Variants in RASA1 observed in about 807,000 individuals in gnomAD.
RASA1 encodes the protein ras GTPase-activating protein 1.
A neutral mutation model predicts 132.2 loss-of-function variants in RASA1; 25 were observed. That is an observed-to-expected ratio of 0.19 (90% CI 0.14 to 0.26). The LOEUF (loss-of-function observed/expected upper bound fraction) is 0.26, where lower values mean the gene tolerates loss of function less well. Among genes scored for constraint, RASA1 ranks in the 10% least tolerant of loss-of-function variants. The pLI is 1.00. For synonymous variants in RASA1, 477 were observed against 449.9 expected, an observed-to-expected ratio of 1.06 and a Z score of -0.76; for missense variants, 964 against 1,299.2, an observed-to-expected ratio of 0.74 and a Z score of 3.97.
At chr5:87,283,184 TATC>T (rs1301363507) in intron 1 of RASA1, among the ~76,000 whole-genome samples, 3 of 151,294 alleles carry the variant, frequency 2.0e-5, no homozygotes, top group African/African-American at 7.3e-5. Context: ...TAGCTTGTTT[TATC>T]ATCATTTGGT....
At chr5:87,371,978 A>C (rs1179687178) in intron 12 of RASA1, 140 bp from the exon 13 acceptor site, 6 of 584,056 alleles carry the variant, frequency 1.0e-5, no homozygotes, top group Non-Finnish European at 3.0e-6. Context: ...TATTGTTATG[A>C]AGTACAGTAT....
intron 18 of RASA1, among the ~76,000 whole-genome samples, chr5:87,378,812 A>G (rs1761503100): frequency 6.6e-6 from 1 of 152,164 alleles, no homozygotes; most frequent in African/African-American, 2.4e-5. Context: ...TAATCTATAT[A>G]CTACTTACAG....
chr5:87,391,016 A>G lies in RASA1; in HGVS notation c.*133A>G. On this transcript the variant is annotated 3_prime_UTR_variant, in exon 25 of 25. Transcript: ENST00000274376. ...TTCCAGTGATGTGTGAGCTATGCAAACAAAATCCAAGATTCTGCTGGTGAA... is the reference window on the plus strand; with the variant it reads ...TTCCAGTGATGTGTGAGCTATGCAAGCAAAATCCAAGATTCTGCTGGTGAA... 1.1e-6 allele frequency: 1 copy of G among 896,260 alleles called. No individual in the cohort carries two copies. Among genetic ancestry groups the G allele is most frequent in the Admixed American group, 2.0e-5 (1 of 50,644 alleles). The allele number at this position is 896,260 out of a possible 1,614,324, so 55.5% of individuals were successfully genotyped here. A position where few individuals can be genotyped will look rare whatever the true frequency, so the allele number is the denominator to read the frequency against.
intron 1 of RASA1, among the ~76,000 whole-genome samples, chr5:87,316,591 C>T (rs2112320674): frequency 6.6e-6 from 1 of 152,254 alleles, no homozygotes. Context: ...ACCTGTCCCA[C>T]AGAGACTTGA....
intron 6 of RASA1, 83 bp downstream of exon 6, chr5:87,341,404 G>A: frequency 1.1e-6 from 1 of 941,308 alleles, no homozygotes; most frequent in Non-Finnish European, 1.4e-6. Flanking sequence ...CAAAAAAATT[G>A]TTTTTTAAGG....
intron 1 of RASA1, among the ~76,000 whole-genome samples, chr5:87,312,990 G>C (rs1756033002): frequency 6.6e-6 from 1 of 152,186 alleles, no homozygotes; most frequent in Non-Finnish European, 1.5e-5. Context: ...TGTTGGAATT[G>C]AGGGAGAAAG....
chr5:87,294,795 C>T (rs934522392), intron 1 of RASA1, among the ~76,000 whole-genome samples: 5 of 152,248 alleles, frequency 3.3e-5, no homozygotes, highest in South Asian at 2.1e-4. Context: ...ATATTTCATT[C>T]GAGCTTGGAG....
chr5:87,375,586 T>C (rs1222851031), intron 15 of RASA1, among the ~76,000 whole-genome samples: 2 of 152,190 alleles, frequency 1.3e-5, no homozygotes. Context: ...CCCTTAAACT[T>C]GAATGTCATT....
At chr5:87,376,755 TA>T in intron 16 of RASA1, 125 bp from the exon 17 acceptor site, 1 of 1,223,364 alleles carries the variant, frequency 8.2e-7, no homozygotes, top group Non-Finnish European at 1.1e-6. Flanking sequence ...CTATTTTAAA[TA>T]AATTTATTCA....
In RASA1 at chr5:87,390,588, T is replaced by G. The variant is rs112501549; in HGVS notation, c.3061-212T>G. Among the ~76,000 whole-genome samples, 8 of 152,270 alleles carry G rather than the reference T, an allele frequency of 5.3e-5. 1 individual carries two copies. Among genetic ancestry groups the G allele is most frequent in the African/African-American group, 1.9e-4 (8 of 41,552 alleles). ...AGGAGCATGCCAAACACAAACAAAT[T>G]TCTGTTCACTTTAGGGTATAAAAAT... On this transcript the variant is annotated intron_variant, in intron 24 of 24. Transcript: ENST00000274376.
chr5:87,309,199 G>C (rs1755756258), intron 1 of RASA1, among the ~76,000 whole-genome samples: 1 of 151,984 alleles, frequency 6.6e-6, no homozygotes, highest in Non-Finnish European at 1.5e-5. Flanking sequence ...AGGTGGTTAG[G>C]ATACATGAAT....
At chr5:87,332,341 A>G (rs554871804) in intron 2 of RASA1, among the ~76,000 whole-genome samples, 166 bp from the exon 3 acceptor site, 1 of 152,100 alleles carries the variant, frequency 6.6e-6, no homozygotes, top group Non-Finnish European at 1.5e-5. Flanking sequence ...AATAGCCCCA[A>G]GTAATTTACT....
chr5:87,315,968 G>T (rs997963364), intron 1 of RASA1, among the ~76,000 whole-genome samples: 1 of 152,088 alleles, frequency 6.6e-6, no homozygotes, highest in Non-Finnish European at 1.5e-5. Flanking sequence ...TCAGTAATTT[G>T]TAATTCAATT....
chr5:87,323,693 T>C lies in RASA1; in HGVS notation c.540-7655T>C, dbSNP rs188640010. On this transcript the variant is annotated intron_variant, in intron 1 of 24. Coordinates refer to ENST00000274376, the MANE Select transcript of RASA1 (RefSeq NM_002890.3). ...AGAATGTTTAGGGTATTGTTATGGC[T>C]ATATATCTTTTGATAAGTCAATTCT... Among the ~76,000 whole-genome samples, 131 of 152,290 alleles carry C rather than the reference T, an allele frequency of 8.6e-4. 1 individual carries two copies. Among genetic ancestry groups the C allele is most frequent in the Admixed American group, 7.5e-3 (115 of 15,296 alleles).
At chr5:87,296,787 T>G (rs2112276731) in intron 1 of RASA1, among the ~76,000 whole-genome samples, 1 of 152,198 alleles carries the variant, frequency 6.6e-6, no homozygotes, top group South Asian at 2.1e-4. Context: ...TATTTTTAGG[T>G]TTTTAGGGGC....
chr5:87,325,061 C>T (rs1461327313), intron 1 of RASA1, among the ~76,000 whole-genome samples: 1 of 152,076 alleles, frequency 6.6e-6, no homozygotes, highest in Non-Finnish European at 1.5e-5. Flanking sequence ...TTAATTGACT[C>T]ATAGTTCCGC....
chr5:87,273,790 C>T (rs1377266269), intron 1 of RASA1, among the ~76,000 whole-genome samples: 4 of 151,594 alleles, frequency 2.6e-5, no homozygotes, highest in South Asian at 4.2e-4. Context: ...CTCCGCCTCC[C>T]GGATTCAGGT....
At chr5:87,311,841 G>T (rs142803625) in intron 1 of RASA1, among the ~76,000 whole-genome samples, 4 of 152,216 alleles carry the variant, frequency 2.6e-5, no homozygotes, top group Non-Finnish European at 5.9e-5. Flanking sequence ...AGCATAATCT[G>T]TATGGTGTGG....
chr5:87,362,723 G>C, intron 10 of RASA1, 52 bp downstream of exon 10: 2 of 1,566,256 alleles, frequency 1.3e-6, no homozygotes, highest in South Asian at 2.2e-5. Context: ...TTGTAAATAT[G>C]GAGCTCCGAA....
Sources: gnomAD v4.1 joint callset for allele counts (sites outside exome capture counted in the v4.1 genomes callset) on GRCh38, gnomAD v4.1.1 for gene constraint, MANE v1.5 for transcripts, NCBI Gene and HGNC (gene_info 2026-07-23, HGNC 2026-07-21) for gene names.